CSMD1: variants seen among roughly 807,000 people sequenced by gnomAD.
The protein encoded by CSMD1 is CUB and sushi domain-containing protein 1.
In CSMD1, 213 loss-of-function variants were observed where a neutral mutation model predicts 417.5. The ratio of observed to expected loss-of-function variants is 0.51; its 90% CI spans 0.46 to 0.57. The LOEUF (loss-of-function observed/expected upper bound fraction) is 0.57, where lower values mean the gene tolerates loss of function less well. CSMD1 is among the 20% of genes least tolerant of loss of function. The probability of loss-of-function intolerance (pLI) is 0.00; values close to 1 mark genes in which losing one functional copy is unlikely to be tolerated. For missense variants in CSMD1, 6,923 were observed against 4,529.7 expected (o/e 1.53, Z -15.17); for synonymous variants, 2,862 against 1,736.8 (o/e 1.65, Z -16.11).
intron 3 of CSMD1, among the ~76,000 whole-genome samples, chr8:4,342,683 C>A (rs1025799984): frequency 6.6e-6 from 1 of 151,940 alleles, no homozygotes; most frequent in South Asian, 2.1e-4. Flanking sequence ...GGCTGCCCAG[C>A]GATAGAGCCA....
At chr8:4,834,544 AC>A (rs1395532522) in intron 1 of CSMD1, among the ~76,000 whole-genome samples, 1 of 152,222 alleles carries the variant, frequency 6.6e-6, no homozygotes, top group African/African-American at 2.4e-5. Flanking sequence ...CTTTCTGAAA[AC>A]AACCAATAGA....
At chr8:3,734,348 G>A (rs993631062) in intron 6 of CSMD1, among the ~76,000 whole-genome samples, 18 of 152,204 alleles carry the variant, frequency 1.2e-4, no homozygotes, top group African/African-American at 4.3e-4. Flanking sequence ...GATGAGGGCT[G>A]TTCGACAGCA....
intron 3 of CSMD1, among the ~76,000 whole-genome samples, chr8:4,176,276 A>G (rs916573329): frequency 6.6e-6 from 1 of 152,154 alleles, no homozygotes; most frequent in Admixed American, 6.5e-5. Flanking sequence ...GCAAAAAATG[A>G]GAACAAAATT....
chr8:3,796,614 G>C (rs916057481), intron 5 of CSMD1, among the ~76,000 whole-genome samples: 1 of 147,162 alleles, frequency 6.8e-6, no homozygotes, highest in Admixed American at 6.9e-5. Flanking sequence ...ATGTATAGAT[G>C]TATAGATATA....
chr8:4,095,445 T>G (rs887811410), intron 3 of CSMD1, among the ~76,000 whole-genome samples: 1 of 152,234 alleles, frequency 6.6e-6, no homozygotes, highest in Non-Finnish European at 1.5e-5. Context: ...TAGTTCTTTC[T>G]TGCAATTTGA....
chr8:3,140,074 T>C (rs1408389059), intron 41 of CSMD1, among the ~76,000 whole-genome samples: 1 of 152,098 alleles, frequency 6.6e-6, no homozygotes, highest in African/African-American at 2.4e-5. Flanking sequence ...CGGCTAATTT[T>C]GGTATTTTTA....
At chr8:4,407,211 G>T (rs1232363888) in intron 3 of CSMD1, among the ~76,000 whole-genome samples, 1 of 152,148 alleles carries the variant, frequency 6.6e-6, no homozygotes, top group Non-Finnish European at 1.5e-5. Flanking sequence ...GATCACCCCT[G>T]AATTCCAGCT....
At chr8:3,959,054 C>G (rs527908133) in intron 5 of CSMD1, among the ~76,000 whole-genome samples, 6 of 152,198 alleles carry the variant, frequency 3.9e-5, no homozygotes, top group Non-Finnish European at 8.8e-5. Flanking sequence ...CTTCCTACTC[C>G]CCAGCACCAT....
chr8:4,101,499 C>G (rs927869772), intron 3 of CSMD1, among the ~76,000 whole-genome samples: 21 of 152,206 alleles, frequency 1.4e-4, no homozygotes, highest in African/African-American at 4.6e-4. Context: ...CCTCAGTCAC[C>G]CTGCAGTCAC....
chr8:3,385,841 A>T (rs1406503443), intron 18 of CSMD1, among the ~76,000 whole-genome samples: 4 of 152,060 alleles, frequency 2.6e-5, no homozygotes, highest in African/African-American at 9.7e-5. Flanking sequence ...AGTTGGCCAG[A>T]GAATTCCTCT....
chr8:4,246,537 T>A (rs565417641), intron 3 of CSMD1, among the ~76,000 whole-genome samples: 1 of 152,212 alleles, frequency 6.6e-6, no homozygotes, highest in African/African-American at 2.4e-5. Flanking sequence ...CTTTTTTTAC[T>A]TAAGATGTTT....
chr8:4,542,180 T>C (rs944639204), intron 2 of CSMD1, among the ~76,000 whole-genome samples: 6 of 152,146 alleles, frequency 3.9e-5, no homozygotes, highest in Non-Finnish European at 7.4e-5. Context: ...TAGTTCTAAG[T>C]CTTCCTCAAA....
chr8:4,947,403 T>A lies in CSMD1; in HGVS notation c.85+46929A>T, dbSNP rs1264120005. Among the ~76,000 whole-genome samples the A allele has an allele frequency of 1.4e-5, 2 of 142,262 alleles. 1 individual carries two copies. The highest frequency in any genetic ancestry group is 3.2e-5 in the Non-Finnish European group (2 of 62,022). The allele number at this position is 142,262 out of a possible 152,430, so 93.3% of individuals were successfully genotyped here. A position where few individuals can be genotyped will look rare whatever the true frequency, so the allele number is the denominator to read the frequency against. ...AAATTCCCTAAAATAATTAATTATG[T>A]CTAAGAATTACCAGTTTTTTTCTCA... On this transcript the variant is annotated intron_variant, in intron 1 of 69. Coordinates refer to ENST00000635120, the MANE Select transcript of CSMD1 (RefSeq NM_033225.6).
intron 10 of CSMD1, among the ~76,000 whole-genome samples, chr8:3,523,839 A>G (rs111162146): frequency 0.015 from 1,660 of 111,956 alleles, 32 homozygotes; most frequent in African/African-American, 0.049. Flanking sequence ...GCACACCCAG[A>G]GACACATGTG....
chr8:4,138,686 T>G (rs1803590026), intron 3 of CSMD1, among the ~76,000 whole-genome samples: 1 of 152,304 alleles, frequency 6.6e-6, no homozygotes, highest in East Asian at 1.9e-4. Flanking sequence ...AAAGTTAAAT[T>G]GTAATGAATT....
intron 5 of CSMD1, among the ~76,000 whole-genome samples, chr8:3,847,774 T>C (rs1022446383): frequency 1.3e-5 from 2 of 152,172 alleles, no homozygotes; most frequent in Non-Finnish European, 1.5e-5. Context: ...CTTTTTATCA[T>C]AAGTGATTAG....
chr8:3,206,245 T>TG (rs1275844975), intron 30 of CSMD1, among the ~76,000 whole-genome samples: 2 of 114,614 alleles, frequency 1.7e-5, no homozygotes, highest in Non-Finnish European at 3.5e-5. Flanking sequence ...TGTATGTGTG[T>TG]GGGGGGTATG....
chr8:4,291,641 C>A (rs778431542), intron 3 of CSMD1, among the ~76,000 whole-genome samples: 1 of 151,952 alleles, frequency 6.6e-6, no homozygotes, highest in African/African-American at 2.4e-5. Context: ...AAATTATAGC[C>A]GCAATATGGA....
intron 3 of CSMD1, among the ~76,000 whole-genome samples, chr8:4,039,690 T>C (rs961040336): frequency 3.3e-5 from 5 of 152,154 alleles, no homozygotes; most frequent in African/African-American, 1.2e-4. Context: ...GGAAGTGAGC[T>C]GTAAATATAC....
Sources: allele counts gnomAD v4.1 joint callset (sites outside exome capture counted in the v4.1 genomes callset), GRCh38; gene constraint gnomAD v4.1.1; transcripts MANE v1.5; gene names NCBI Gene and HGNC (gene_info 2026-07-23, HGNC 2026-07-21).